NCAM2: variants seen among roughly 807,000 people sequenced by gnomAD.
NCAM2 encodes the protein neural cell adhesion molecule 2.
Under a neutral mutation model 98.1 loss-of-function variants are expected in NCAM2, and 30 were observed. The ratio of observed to expected loss-of-function variants is 0.31; its 90% CI spans 0.23 to 0.41. NCAM2 has a LOEUF of 0.41. NCAM2 is among the 10% of genes least tolerant of loss of function. NCAM2 has a pLI of 1.00. For missense variants in NCAM2, 867 were observed against 1,005.8 expected (o/e 0.86, Z 1.87); for synonymous variants, 368 against 342.4 (o/e 1.07, Z -0.83).
At chr21:21,253,094 T>C (rs1304511884) in intron 1 of NCAM2, among the ~76,000 whole-genome samples, 1 of 152,180 alleles carries the variant, frequency 6.6e-6, no homozygotes, top group Non-Finnish European at 1.5e-5. Context: ...TTGAACTGCT[T>C]CTTCTAAAGT....
chr21:21,091,301 T>TTAGA (rs2066007636), intron 1 of NCAM2, among the ~76,000 whole-genome samples: 1 of 152,170 alleles, frequency 6.6e-6, no homozygotes, highest in Non-Finnish European at 1.5e-5. Context: ...ATTTTATGCA[T>TTAGA]TAGATACACA....
At chr21:21,099,073 G>C (rs1296248621) in intron 1 of NCAM2, among the ~76,000 whole-genome samples, 1 of 151,804 alleles carries the variant, frequency 6.6e-6, no homozygotes, top group African/African-American at 2.4e-5. Context: ...ATGAGCTAGT[G>C]TCCTTCAAAG....
chr21:21,266,622 C>CA (rs1057208985), intron 1 of NCAM2, among the ~76,000 whole-genome samples: 1 of 149,392 alleles, frequency 6.7e-6, no homozygotes, highest in African/African-American at 2.5e-5. Context: ...ATCACAGGGA[C>CA]AAAAAAACAA....
At chr21:21,385,409 CAT>C (rs1259800339) in intron 9 of NCAM2, among the ~76,000 whole-genome samples, 1 of 151,638 alleles carries the variant, frequency 6.6e-6, no homozygotes, top group Non-Finnish European at 1.5e-5. Flanking sequence ...CGCACACACA[CAT>C]ACACACACAC....
At chr21:21,296,155 T>A (rs1415740310) in intron 5 of NCAM2, among the ~76,000 whole-genome samples, 1 of 151,766 alleles carries the variant, frequency 6.6e-6, no homozygotes, top group Non-Finnish European at 1.5e-5. Context: ...ACACTTAGAG[T>A]TGTAGCTCAA....
intron 9 of NCAM2, among the ~76,000 whole-genome samples, chr21:21,375,841 T>A (rs1338148728): frequency 1.3e-5 from 2 of 151,812 alleles, no homozygotes; most frequent in African/African-American, 4.8e-5. Flanking sequence ...CTAGGCAACA[T>A]ATTATCTTAA....
In NCAM2 at chr21:21,343,358, TACACACACACACACACACACAC is replaced by T. The variant is rs71195322; in HGVS notation, c.1044+4840_1044+4861del. Among the ~76,000 whole-genome samples the T allele has an allele frequency of 1.9e-4, 23 of 120,890 alleles. No homozygotes were observed. In the Admixed American group the frequency reaches 1.9e-3, roughly 10 times the overall value. The allele number at this position is 120,890 out of a possible 152,430, so 79.3% of individuals were successfully genotyped here. ...CCAAGTTAACAACTATCTATACACA[TACACACACACACACACACACAC>T]ACACACACACACACAATCTTCATGA... On this transcript the variant is annotated intron_variant, in intron 8 of 17. Coordinates refer to ENST00000400546, the MANE Select transcript of NCAM2 (RefSeq NM_004540.5).
At chr21:21,048,962 A>C (rs1235455032) in intron 1 of NCAM2, among the ~76,000 whole-genome samples, 1 of 151,868 alleles carries the variant, frequency 6.6e-6, no homozygotes, top group Non-Finnish European at 1.5e-5. Flanking sequence ...AAAAACAAAA[A>C]GTATTAGGAA....
rs1016138936 is a variant in NCAM2 at position 21,542,392 on chromosome 21, A to T, written c.*4435A>T. 27 of 151,930 alleles carry T rather than the reference A, an allele frequency of 1.8e-4. No individual in the cohort carries two copies. Among genetic ancestry groups the T allele is most frequent in the Middle Eastern group, 3.4e-3 (1 of 294 alleles). 9.4% of individuals were successfully genotyped at this position (151,930 alleles called of 1,614,324 possible). On this transcript the variant is annotated 3_prime_UTR_variant, in exon 18 of 18. Transcript: ENST00000400546. ...TCTTAGAAAAATAGTTTATTACTTTAGGATTTTATCTATAACATAAATATA... is the reference window on the plus strand; with the variant it reads ...TCTTAGAAAAATAGTTTATTACTTTTGGATTTTATCTATAACATAAATATA...
chr21:21,441,455 A>G (rs1360602113), intron 12 of NCAM2, among the ~76,000 whole-genome samples: 1 of 152,216 alleles, frequency 6.6e-6, no homozygotes. Flanking sequence ...TATACTTAGT[A>G]TATACTATTA....
chr21:21,459,173 T>G (rs1042248155), intron 12 of NCAM2, among the ~76,000 whole-genome samples: 1 of 148,344 alleles, frequency 6.7e-6, no homozygotes, highest in African/African-American at 2.5e-5. Flanking sequence ...TTGGGATGGC[T>G]TTTTTTTCAA....
intron 1 of NCAM2, among the ~76,000 whole-genome samples, chr21:21,092,408 C>A (rs1353230305): frequency 6.6e-6 from 1 of 151,780 alleles, no homozygotes; most frequent in African/African-American, 2.4e-5. Context: ...AATACAAATT[C>A]TATGGCTAGT....
In NCAM2 at chr21:21,468,936, A is replaced by AT. The variant is rs924403592; in HGVS notation, c.1896+162dup. On this transcript the variant is annotated intron_variant, in intron 14 of 17. Coordinates refer to ENST00000400546, the MANE Select transcript of NCAM2 (RefSeq NM_004540.5). The stretch of plus-strand genomic sequence containing the variant: ...TCCATTCCTGACAGTCATCATTGTG[A>AT]TTTTTTTTTATTTTTTTTGTAAAAT... Among the ~76,000 whole-genome samples the AT allele has an allele frequency of 4.0e-5, 6 of 151,702 alleles. No individual in the cohort carries two copies. In the East Asian group the frequency reaches 5.9e-4, roughly 15 times the overall value.
In NCAM2 at chr21:21,265,751, A is replaced by G. The variant is rs1004911667; in HGVS notation, c.56-14827A>G. The stretch of plus-strand genomic sequence containing the variant: ...ATAGGTGGACATTGGGGACTTCAAA[A>G]TGGGGAAAAAGGAGAGGGGGAAATG... On this transcript the variant is annotated intron_variant, in intron 1 of 17. Transcript: ENST00000400546. 1.1e-4 allele frequency among the ~76,000 whole-genome samples: 16 copies of G among 151,870 alleles called. No individual in the cohort carries two copies. In the East Asian group the frequency reaches 2.5e-3, roughly 24 times the overall value.
At chr21:21,455,401 A>C (rs960546977) in intron 12 of NCAM2, among the ~76,000 whole-genome samples, 2 of 151,820 alleles carry the variant, frequency 1.3e-5, no homozygotes, top group Admixed American at 1.3e-4. Flanking sequence ...TGCAAGGTTC[A>C]AGTGATTTTT....
At chr21:21,418,394 G>C in intron 10 of NCAM2, 79 bp from the exon 11 acceptor site, 2 of 978,294 alleles carry the variant, frequency 2.0e-6, no homozygotes, top group Non-Finnish European at 3.3e-6. Context: ...ATGTGTGAAA[G>C]TGGTAGTCAT....
chr21:21,221,388 A>G (rs1187903471), intron 1 of NCAM2, among the ~76,000 whole-genome samples: 1 of 68 alleles, frequency 0.015, no homozygotes, highest in African/African-American at 0.1. Context: ...AGTCATGTGA[A>G]AAAGACAAGA....
chr21:21,088,547 A>T (rs1040482716), intron 1 of NCAM2, among the ~76,000 whole-genome samples: 2 of 152,138 alleles, frequency 1.3e-5, no homozygotes, highest in East Asian at 3.9e-4. Context: ...AACCTCCATG[A>T]TCTATAATGT....
chr21:21,243,797 A>C lies in NCAM2; in HGVS notation c.56-36781A>C, dbSNP rs117278627. On this transcript the variant is annotated intron_variant, in intron 1 of 17. Transcript: ENST00000400546. ...CATCTGGGAGCCTTATGATGGAAAG[A>C]ATAGATAGAGGGTTGTATCGGTCCT... 8.9e-3 allele frequency among the ~76,000 whole-genome samples: 1,358 copies of C among 152,308 alleles called. 4 individuals carry two copies. Among genetic ancestry groups the C allele is most frequent in the Non-Finnish European group, 0.015 (1,019 of 68,028 alleles).
Sources: gnomAD v4.1 joint callset for allele counts (sites outside exome capture counted in the v4.1 genomes callset) on GRCh38, gnomAD v4.1.1 for gene constraint, MANE v1.5 for transcripts, NCBI Gene and HGNC (gene_info 2026-07-23, HGNC 2026-07-21) for gene names.